The following LINGO3 variants were observed in gnomAD, a reference collection of about 807,000 sequenced individuals.
The protein encoded by LINGO3 is leucine-rich repeat and immunoglobulin-like domain-containing nogo receptor-interacting protein 3.
For synonymous variants in LINGO3, 427 were observed against 444.2 expected, an observed-to-expected ratio of 0.96 and a Z score of 0.49; for missense variants, 750 against 867.7, an observed-to-expected ratio of 0.86 and a Z score of 1.70.
upstream of LINGO3, among the ~76,000 whole-genome samples, chr19:2,294,485 C>T (rs908730949): frequency 7.9e-5 from 12 of 152,102 alleles, no homozygotes; most frequent in Non-Finnish European, 1.3e-4. The surrounding 1 kb of genome is among the most constrained non-coding windows in gnomAD (Gnocchi z 4.3). Context: ...GGAAACAGGC[C>T]GACCCAAAAG....
At chr19:2,305,960 G>A in the LINGO3 span, among the ~76,000 whole-genome samples, 1 of 152,180 alleles carries the variant, frequency 6.6e-6, no homozygotes, top group East Asian at 1.9e-4. Context: ...AATTCATTAA[G>A]CCCTAATTAG....
chr19:2,307,896 G>A, the LINGO3 span, among the ~76,000 whole-genome samples: 1 of 152,180 alleles, frequency 6.6e-6, no homozygotes, highest in African/African-American at 2.4e-5. Flanking sequence ...AAGTTTCCAG[G>A]GGGAGCGTCG....
At chr19:2,291,264 C>A (rs1423863755) in exon 1 of LINGO3, 3 of 1,612,234 alleles carry the variant, frequency 1.9e-6, no homozygotes, top group Middle Eastern at 1.7e-4. Flanking sequence ...CCAGCAGCCC[C>A]GCGAAGGCGC....
At chr19:2,288,178 C>A (rs951624016), downstream of LINGO3, among the ~76,000 whole-genome samples, 1 of 152,328 alleles carries the variant, frequency 6.6e-6, no homozygotes, top group Admixed American at 6.5e-5. This position sits in a 1 kb window ranked among gnomAD's most constrained non-coding sequence, Gnocchi z 6.5. Context: ...GAGCTGCAGT[C>A]GGCCTGTGAC....
At chr19:2,298,171 G>A in the LINGO3 span, among the ~76,000 whole-genome samples, 1 of 152,162 alleles carries the variant, frequency 6.6e-6, no homozygotes, top group Non-Finnish European at 1.5e-5. Flanking sequence ...TTATAGGTGT[G>A]AGCCACTGGG....
chr19:2,293,859 C>T, upstream of LINGO3, among the ~76,000 whole-genome samples: 1 of 151,744 alleles, frequency 6.6e-6, no homozygotes, highest in Non-Finnish European at 1.5e-5. Flanking sequence ...TCGAGACCAG[C>T]CTGGGCAACA....
chr19:2,297,698 G>A, the LINGO3 span, among the ~76,000 whole-genome samples: 3 of 144,330 alleles, frequency 2.1e-5, no homozygotes, highest in African/African-American at 5.1e-5. Context: ...TCTGCCTCCC[G>A]AGTTTAAGTG....
rs990579428 is a variant in LINGO3, at chr19:2,289,931, G to A, written c.*67C>T. ...GCCGTCCCCTTCCCCTCCGGGAAATGCATAGGTGGACACGCGAGCGGCCGG... is the reference window on the plus strand; with the variant it reads ...GCCGTCCCCTTCCCCTCCGGGAAATACATAGGTGGACACGCGAGCGGCCGG... On this transcript the variant is annotated 3_prime_UTR_variant, in exon 1 of 1. Transcript: ENST00000585527. 3.7e-6 allele frequency: 5 copies of A among 1,335,688 alleles called. No homozygotes were observed. The Admixed American group carries it at 1.0e-4, about 28-fold the overall frequency. 82.7% of individuals were successfully genotyped at this position (1,335,688 alleles called of 1,614,324 possible). A position where few individuals can be genotyped will look rare whatever the true frequency, so the allele number is the denominator to read the frequency against.
the LINGO3 span, among the ~76,000 whole-genome samples, chr19:2,306,762 A>C: frequency 6.6e-6 from 1 of 151,842 alleles, no homozygotes; most frequent in South Asian, 2.1e-4. Context: ...CCCCCATCCC[A>C]CCGCCCGGCT....
exon 1 of LINGO3, chr19:2,291,847 G>GCGTTAGCAC (rs1326915566): frequency 1.0e-5 from 14 of 1,347,642 alleles, no homozygotes; most frequent in Admixed American, 8.2e-5. Flanking sequence ...GGAGCGGGCA[G>GCGTTAGCAC]CGTTAGCACC....
At chr19:2,304,710 C>CTTTTTTTTTTTT in the LINGO3 span, among the ~76,000 whole-genome samples, 1 of 73,212 alleles carries the variant, frequency 1.4e-5, no homozygotes. Flanking sequence ...CCATGTCCTG[C>CTTTTTTTTTTTT]TTTTTTTTTT....
At position 2,290,138 on chromosome 19, in the gene LINGO3, C is replaced by G. The variant is rs1242316797; in HGVS notation, c.1639G>C (p.Val547Leu). The G allele has an allele frequency of 1.2e-6, 2 of 1,612,300 alleles. No homozygotes were observed. The highest frequency in any genetic ancestry group is 8.5e-7 in the Non-Finnish European group (1 of 1,179,492). Reference sequence around the variant, plus strand: ...CCGCGGCTCCACACGAACAGCAGCACGAAGCAGAAGAGGACCACGCCCAGG... The same window carrying G: ...CCGCGGCTCCACACGAACAGCAGCAGGAAGCAGAAGAGGACCACGCCCAGG... The change falls in exon 1 of 1, where the codon GTG (valine) becomes CTG (leucine). Residue 547 changes from valine (V) to leucine (L), a missense_variant. Val to Leu is a conservative substitution (Grantham distance 32). Transcript: ENST00000585527. The surrounding 1 kb of genome is among the most constrained non-coding windows in gnomAD (Gnocchi z 6.0).
At chr19:2,291,449 G>C (rs760434360) in exon 1 of LINGO3, 31 of 1,613,006 alleles carry the variant, frequency 1.9e-5, no homozygotes, top group Non-Finnish European at 2.6e-5. Context: ...TGGTTGCCAC[G>C]GAGACGCAGG....
chr19:2,296,240 C>A (rs913852477), upstream of LINGO3, among the ~76,000 whole-genome samples: 4 of 152,178 alleles, frequency 2.6e-5, no homozygotes, highest in African/African-American at 9.7e-5. Flanking sequence ...CACCTCCCCC[C>A]TTACTGTCCG....
the LINGO3 span, among the ~76,000 whole-genome samples, chr19:2,303,684 C>T: frequency 1.3e-5 from 2 of 152,218 alleles, no homozygotes; most frequent in Non-Finnish European, 2.9e-5. Context: ...CCCCAGGTCG[C>T]CCTGCCTCAC....
the LINGO3 span, among the ~76,000 whole-genome samples, chr19:2,304,252 TTCTG>T: frequency 6.6e-6 from 1 of 152,206 alleles, no homozygotes; most frequent in Admixed American, 6.5e-5. Flanking sequence ...AATCCCTGCT[TTCTG>T]TCTATGGGCA....
the LINGO3 span, among the ~76,000 whole-genome samples, chr19:2,302,531 T>C: frequency 2.6e-5 from 4 of 151,788 alleles, no homozygotes; most frequent in African/African-American, 7.3e-5. Context: ...GGAGCTGGGG[T>C]TGGCGACCGA....
the LINGO3 span, among the ~76,000 whole-genome samples, chr19:2,300,651 C>T: frequency 4.5e-4 from 68 of 152,098 alleles, no homozygotes; most frequent in Non-Finnish European, 8.5e-4. Flanking sequence ...AACCCCAGCT[C>T]CACCCTTCCT....
the LINGO3 span, among the ~76,000 whole-genome samples, chr19:2,302,802 G>A: frequency 0.72 from 110,016 of 152,242 alleles, 41,286 homozygotes; most frequent in Non-Finnish European, 0.83. Context: ...CGGCAGGGAC[G>A]GCGTTGGCGG....
Sources: gnomAD v4.1 joint callset for allele counts (sites outside exome capture counted in the v4.1 genomes callset) on GRCh38, gnomAD v4.1.1 for gene constraint, Gnocchi (gnomAD v3.1) non-coding constraint, MANE v1.5 for transcripts, NCBI Gene and HGNC (gene_info 2026-07-23, HGNC 2026-07-21) for gene names.